BMP5: variants seen among roughly 807,000 people sequenced by gnomAD.
The protein encoded by BMP5 is bone morphogenetic protein 5.
A neutral mutation model predicts 46.6 loss-of-function variants in BMP5; 23 were observed. The observed-to-expected ratio is 0.49, with a 90% confidence interval of 0.35 to 0.70. The LOEUF is 0.70. BMP5 is among the 30% of genes least tolerant of loss of function. The probability of loss-of-function intolerance (pLI) is 0.00; values close to 1 mark genes in which losing one functional copy is unlikely to be tolerated. For synonymous variants in BMP5, 204 were observed against 191.9 expected (o/e 1.06, Z -0.52); for missense variants, 545 against 565.6 (o/e 0.96, Z 0.37).
At chr6:55,857,634 T>C (rs958276489) in intron 1 of BMP5, among the ~76,000 whole-genome samples, 1 of 152,240 alleles carries the variant, frequency 6.6e-6, no homozygotes, top group Non-Finnish European at 1.5e-5. Context: ...CTATAAAGTA[T>C]ATAATTTGTG....
chr6:55,862,544 G>T (rs964335346), intron 1 of BMP5, among the ~76,000 whole-genome samples: 4 of 152,130 alleles, frequency 2.6e-5, no homozygotes, highest in African/African-American at 9.7e-5. Flanking sequence ...CACAATTGAA[G>T]AAGTAAGATA....
chr6:55,775,559 T>G (rs532268256), intron 3 of BMP5, among the ~76,000 whole-genome samples: 1 of 152,056 alleles, frequency 6.6e-6, no homozygotes, highest in South Asian at 2.1e-4. Flanking sequence ...CTTTTAAGAG[T>G]AACATATAAT....
At chr6:55,756,871 G>GA (rs948448957) in intron 6 of BMP5, among the ~76,000 whole-genome samples, 4 of 151,536 alleles carry the variant, frequency 2.6e-5, no homozygotes, top group South Asian at 2.1e-4. Flanking sequence ...CAGCCTAACG[G>GA]AAAAAAAATG....
At chr6:55,811,936 G>A (rs563670031) in intron 2 of BMP5, among the ~76,000 whole-genome samples, 1 of 152,180 alleles carries the variant, frequency 6.6e-6, no homozygotes, top group Admixed American at 6.6e-5. Context: ...TCTGTGTGTG[G>A]CAGCCCCACC....
chr6:55,839,367 G>A (rs1453298769), intron 1 of BMP5, among the ~76,000 whole-genome samples: 1 of 151,786 alleles, frequency 6.6e-6, no homozygotes, highest in Non-Finnish European at 1.5e-5. Flanking sequence ...CTGTCACCCA[G>A]GCTGGAATAC....
intron 1 of BMP5, among the ~76,000 whole-genome samples, chr6:55,864,918 C>T (rs375748002): frequency 2.0e-5 from 3 of 150,484 alleles, no homozygotes; most frequent in East Asian, 3.9e-4. Context: ...AAAAAAAAAC[C>T]CAAACAAATC....
intron 2 of BMP5, among the ~76,000 whole-genome samples, chr6:55,797,188 C>A (rs929299204): frequency 2.0e-5 from 3 of 152,158 alleles, no homozygotes; most frequent in Non-Finnish European, 2.9e-5. Context: ...AAGTCCCCCC[C>A]AACCCCATTC....
At chr6:55,775,809 T>G (rs1775160438) in intron 3 of BMP5, among the ~76,000 whole-genome samples, 1 of 151,870 alleles carries the variant, frequency 6.6e-6, no homozygotes, top group South Asian at 2.1e-4. Flanking sequence ...TGTGTATACT[T>G]CCATTGTGCA....
At chr6:55,867,215 C>A (rs774373547) in intron 1 of BMP5, among the ~76,000 whole-genome samples, 2 of 152,092 alleles carry the variant, frequency 1.3e-5, no homozygotes, top group East Asian at 3.9e-4. Context: ...TGTATCCCCC[C>A]CGCTGAGTAT....
At chr6:55,808,403 T>C (rs1473565206) in intron 2 of BMP5, among the ~76,000 whole-genome samples, 4 of 152,168 alleles carry the variant, frequency 2.6e-5, no homozygotes, top group Non-Finnish European at 5.9e-5. Context: ...AGGAGGTTAA[T>C]GTATTAGGCA....
intron 4 of BMP5, chr6:55,772,809 T>G: frequency 1.0e-6 from 1 of 985,164 alleles, no homozygotes; most frequent in Non-Finnish European, 1.2e-6. Flanking sequence ...CCCTCCTGCT[T>G]CTGTTGCTTG....
intron 1 of BMP5, among the ~76,000 whole-genome samples, chr6:55,858,712 T>C (rs1383715990): frequency 6.6e-6 from 1 of 152,196 alleles, no homozygotes; most frequent in Admixed American, 6.6e-5. Flanking sequence ...CTATTTACAA[T>C]AGCAAAGACT....
intron 2 of BMP5, among the ~76,000 whole-genome samples, chr6:55,804,268 AAGAT>A (rs1775932447): frequency 6.6e-6 from 1 of 152,198 alleles, no homozygotes; most frequent in Non-Finnish European, 1.5e-5. Flanking sequence ...GAGAGACACA[AAGAT>A]AGAGACACAC....
intron 5 of BMP5, among the ~76,000 whole-genome samples, 158 bp from the exon 6 acceptor site, chr6:55,759,273 G>T (rs189414201): frequency 7.5e-5 from 11 of 147,558 alleles, no homozygotes; most frequent in Admixed American, 6.9e-4. Flanking sequence ...TTCTATTCTT[G>T]GTCCAACAAT....
intron 3 of BMP5, among the ~76,000 whole-genome samples, chr6:55,785,793 ATT>A (rs1775433875): frequency 6.6e-6 from 1 of 151,734 alleles, no homozygotes; most frequent in African/African-American, 2.4e-5. Flanking sequence ...GCCATAGATA[ATT>A]TATGTTTTGA....
Position 55,760,457 on chromosome 6 carries a change from C to A in BMP5, c.1104G>T (p.Gln368His), listed in dbSNP as rs780354171. The change falls in exon 5 of 7, where the codon CAG (glutamine) becomes CAT (histidine). Residue 368 changes from glutamine to histidine, a missense_variant and splice_region_variant. Physicochemically the swap from Gln to His is conservative, Grantham distance 24. Transcript: ENST00000370830. Reference sequence around the variant, plus strand: ...ACCAAAGTTGACTGAAAATTCCTACCTGCCATCCCAGATCCCGGAAGCTCA... The same window carrying A: ...ACCAAAGTTGACTGAAAATTCCTACATGCCATCCCAGATCCCGGAAGCTCA... Reference protein sequence around the residue: ...LYVSFRDLGWQDWIIAPEGYA... With the variant: ...LYVSFRDLGWHDWIIAPEGYA... 2 of 1,612,864 alleles carry A rather than the reference C, an allele frequency of 1.2e-6. No homozygotes were observed. Among genetic ancestry groups the A allele is most frequent in the East Asian group, 4.5e-5 (2 of 44,816 alleles).
chr6:55,875,014 A>G lies in BMP5; in HGVS notation c.-149T>C. On this transcript the variant is annotated 5_prime_UTR_variant, in exon 1 of 7. An upstream start codon of the reference 5' UTR is lost. Coordinates refer to ENST00000370830, the MANE Select transcript of BMP5 (RefSeq NM_021073.4). ...TGACAGTGACATTTCTGAGCACAACATCCTCACCGATTTTCCTGTCCTATT... is the reference window on the plus strand; with the variant it reads ...TGACAGTGACATTTCTGAGCACAACGTCCTCACCGATTTTCCTGTCCTATT... 1.2e-6 allele frequency: 1 copy of G among 825,170 alleles called. No individual in the cohort carries two copies. The highest frequency in any genetic ancestry group is 1.9e-6 in the Non-Finnish European group (1 of 526,888). The allele number at this position is 825,170 out of a possible 1,614,324, so 51.1% of individuals were successfully genotyped here.
intron 1 of BMP5, among the ~76,000 whole-genome samples, chr6:55,852,888 T>C (rs1777279362): frequency 6.6e-6 from 1 of 152,082 alleles, no homozygotes; most frequent in Non-Finnish European, 1.5e-5. Context: ...TTGCAGCACT[T>C]TGGGAGGCCG....
At chr6:55,762,502 A>C (rs1774811821) in intron 4 of BMP5, among the ~76,000 whole-genome samples, 1 of 152,180 alleles carries the variant, frequency 6.6e-6, no homozygotes, top group African/African-American at 2.4e-5. Flanking sequence ...TCATTAAAAC[A>C]GATTAAATAA....
Sources: allele counts gnomAD v4.1 joint callset (sites outside exome capture counted in the v4.1 genomes callset), GRCh38; gene constraint gnomAD v4.1.1; transcripts MANE v1.5; gene names NCBI Gene and HGNC (gene_info 2026-07-23, HGNC 2026-07-21).